Variants in NNT observed in about 807,000 individuals in gnomAD.
NNT encodes the protein NAD(P) transhydrogenase, mitochondrial.
Under a neutral mutation model 104.8 loss-of-function variants are expected in NNT, and 50 were observed. The observed-to-expected ratio is 0.48, with a 90% CI of 0.38 to 0.60. The LOEUF (loss-of-function observed/expected upper bound fraction) is 0.60, where lower values mean the gene tolerates loss of function less well. NNT is among the 20% of genes least tolerant of loss of function. The pLI, the probability that NNT is intolerant of heterozygous loss-of-function variation, is 0.00. For synonymous variants in NNT, 461 were observed against 490.4 expected (o/e 0.94, Z 0.79); for missense variants, 1,131 against 1,330.7 (o/e 0.85, Z 2.33).
intron 6 of NNT, among the ~76,000 whole-genome samples, chr5:43,626,792 GTGTATATATA>G (rs1750388045): frequency 6.7e-6 from 1 of 150,144 alleles, no homozygotes; most frequent in Non-Finnish European, 1.5e-5. Context: ...ATATATGTAT[GTGTATATATA>G]TGTATATGTG....
intron 19 of NNT, among the ~76,000 whole-genome samples, chr5:43,680,580 A>G (rs1017428283): frequency 1.3e-5 from 2 of 152,216 alleles, no homozygotes; most frequent in African/African-American, 2.4e-5. Flanking sequence ...AGTGGTGCCA[A>G]GAAAAATCGC....
intron 19 of NNT, among the ~76,000 whole-genome samples, chr5:43,685,194 G>A (rs1289323313): frequency 6.6e-6 from 1 of 152,168 alleles, no homozygotes; most frequent in East Asian, 1.9e-4. Context: ...GAAGTTAGTA[G>A]ATGTTTAACA....
chr5:43,695,201 T>G (rs1374864933), intron 19 of NNT, among the ~76,000 whole-genome samples: 2 of 152,204 alleles, frequency 1.3e-5, no homozygotes, highest in Non-Finnish European at 2.9e-5. Flanking sequence ...CGAAAACAAT[T>G]TCTCACTTGT....
At chr5:43,617,314 A>G (rs1171898628) in intron 4 of NNT, among the ~76,000 whole-genome samples, 1 of 152,232 alleles carries the variant, frequency 6.6e-6, no homozygotes, top group African/African-American at 2.4e-5. Flanking sequence ...AAATCCAGTA[A>G]GAGCTGAGTA....
At chr5:43,689,962 A>C (rs1742178928) in intron 19 of NNT, among the ~76,000 whole-genome samples, 1 of 152,154 alleles carries the variant, frequency 6.6e-6, no homozygotes, top group South Asian at 2.1e-4. Context: ...TCCGTCAAAG[A>C]CAAAGAAAAA....
chr5:43,704,181 G>C, intron 21 of NNT, 74 bp from the exon 22 acceptor site: 3 of 1,351,586 alleles, frequency 2.2e-6, no homozygotes, highest in Non-Finnish European at 3.0e-6. Flanking sequence ...GTAGTGAAGA[G>C]CAATGTTTGT....
At position 43,612,928 on chromosome 5, in the gene NNT, A is replaced by G. The variant is rs1749577479; in HGVS notation, c.172A>G (p.Thr58Ala). The G allele has an allele frequency of 6.2e-7, 1 of 1,613,202 alleles. No homozygotes were observed. The highest frequency in any genetic ancestry group is 8.5e-7 in the Non-Finnish European group (1 of 1,179,326). The change falls in exon 3 of 22, where the codon ACT becomes GCT. Residue 58 changes from threonine (T) to alanine (A), a missense_variant. By Grantham distance (58) the Thr-to-Ala change is moderately conservative (BLOSUM62 0). Transcript: ENST00000344920. ...TCTAGGAATTCCATATAAGCAACTG[A>G]CTGTTGGAGTCCCCAAAGAGATATT... ...VKPGIPYKQL[T>A]VGVPKEIFQN...
intron 17 of NNT, among the ~76,000 whole-genome samples, chr5:43,667,795 G>A (rs1271530810): frequency 6.6e-6 from 1 of 150,988 alleles, no homozygotes; most frequent in Admixed American, 6.6e-5. Context: ...GTAATGGGAT[G>A]GCTGGGTCAA....
chr5:43,655,798 A>C, intron 14 of NNT, 42 bp from the exon 15 acceptor site: 1 of 1,453,954 alleles, frequency 6.9e-7, no homozygotes, highest in Non-Finnish European at 9.6e-7. Flanking sequence ...TACTTCTCAA[A>C]AGTTTGTCAA....
Position 43,624,133 on chromosome 5 carries a change from C to G in NNT, c.776+13C>G. ...GATTTGACACAAGGTGAGTGCTTTA[C>G]TAGTGACTGATGTTAAGGTAAAAAC... On this transcript the variant is annotated intron_variant, in intron 6 of 21. Coordinates refer to ENST00000344920, the MANE Select transcript of NNT (RefSeq NM_182977.3). The G allele has an allele frequency of 6.2e-7, 1 of 1,612,116 alleles. No homozygotes were observed.
At chr5:43,671,862 A>C (rs1561310274) in intron 17 of NNT, among the ~76,000 whole-genome samples, 1 of 152,162 alleles carries the variant, frequency 6.6e-6, no homozygotes, top group Non-Finnish European at 1.5e-5. Context: ...TCTCCCGGAT[A>C]ATATCCTGCA....
rs1258036888 is a variant in NNT at position 43,693,290 on chromosome 5, T to C, written c.2877-6829T>C. Reference sequence around the variant, plus strand: ...TTATTTCAATATAATGCATTTTCTTTCTAAATCTATTTTTAATTTTCATGC... The same window carrying C: ...TTATTTCAATATAATGCATTTTCTTCCTAAATCTATTTTTAATTTTCATGC... On this transcript the variant is annotated intron_variant, in intron 19 of 21. Transcript: ENST00000344920. 2.6e-5 allele frequency among the ~76,000 whole-genome samples: 4 copies of C among 152,228 alleles called. No individual in the cohort carries two copies. The East Asian group carries it at 7.7e-4, about 29-fold the overall frequency.
At chr5:43,696,500 A>T (rs982420978) in intron 19 of NNT, among the ~76,000 whole-genome samples, 1 of 152,138 alleles carries the variant, frequency 6.6e-6, no homozygotes, top group Admixed American at 6.5e-5. Flanking sequence ...TGGATCTACC[A>T]TTCTGGGGTC....
chr5:43,607,774 A>G (rs906213597), intron 1 of NNT, among the ~76,000 whole-genome samples: 6 of 152,048 alleles, frequency 3.9e-5, no homozygotes, highest in Non-Finnish European at 5.9e-5. Context: ...AAATGAGCTA[A>G]GTCTTTCTCC....
At chr5:43,648,831 T>A (rs1739594482) in intron 10 of NNT, among the ~76,000 whole-genome samples, 1 of 152,206 alleles carries the variant, frequency 6.6e-6, no homozygotes, top group African/African-American at 2.4e-5. Flanking sequence ...CATGTGGCAT[T>A]GTTAATAAAA....
At chr5:43,672,008 T>C (rs1183225159) in intron 17 of NNT, among the ~76,000 whole-genome samples, 1 of 152,196 alleles carries the variant, frequency 6.6e-6, no homozygotes, top group African/African-American at 2.4e-5. Flanking sequence ...TCTCTAAACT[T>C]CTCTTCTCGC....
In NNT at chr5:43,667,889, T is replaced by G. The variant is rs184834460; in HGVS notation, c.2635-7622T>G. Among the ~76,000 whole-genome samples, 358 of 152,348 alleles carry G rather than the reference T, an allele frequency of 2.3e-3. 1 individual carries two copies. The highest frequency in any genetic ancestry group is 0.022 in the East Asian group (114 of 5,188). ...AACTAGTTTACAGTCCCACCAACAG[T>G]GCAAAAGTGTTCCTATTTCTCCACA... On this transcript the variant is annotated intron_variant, in intron 17 of 21. Coordinates refer to ENST00000344920, the MANE Select transcript of NNT (RefSeq NM_182977.3).
intron 9 of NNT, among the ~76,000 whole-genome samples, chr5:43,645,072 T>C (rs1161366739): frequency 6.6e-6 from 1 of 152,160 alleles, no homozygotes; most frequent in Non-Finnish European, 1.5e-5. Flanking sequence ...AAATTAAACA[T>C]TCCCCCCACT....
intron 11 of NNT, 38 bp from the exon 12 acceptor site, chr5:43,650,439 C>G (rs370577696): frequency 6.4e-6 from 9 of 1,407,200 alleles, no homozygotes; most frequent in Non-Finnish European, 9.1e-6. Context: ...TTGGTGGTGT[C>G]ACTATCACTA....
Sources: allele counts gnomAD v4.1 joint callset (sites outside exome capture counted in the v4.1 genomes callset), GRCh38; gene constraint gnomAD v4.1.1; transcripts MANE v1.5; gene names NCBI Gene and HGNC (gene_info 2026-07-23, HGNC 2026-07-21).